The following PDE7B variants were observed in gnomAD, a reference collection of about 807,000 sequenced individuals.
PDE7B encodes the protein phosphodiesterase 7B, also known as 3',5'-cyclic-AMP phosphodiesterase 7B.
In PDE7B, 29 loss-of-function variants were observed where a neutral mutation model predicts 56.2. That is an observed-to-expected ratio of 0.52 (90% CI 0.38 to 0.70). The LOEUF (loss-of-function observed/expected upper bound fraction) is 0.70, where lower values mean the gene tolerates loss of function less well. Among genes scored for constraint, PDE7B ranks in the 30% least tolerant of loss-of-function variants. The pLI is 0.00. For missense variants in PDE7B, 490 were observed against 565.0 expected (o/e 0.87, Z 1.35); for synonymous variants, 197 against 196.9 (o/e 1.00, Z 0.00).
At chr6:136,090,786 C>T (rs1370264069) in intron 2 of PDE7B, among the ~76,000 whole-genome samples, 4 of 152,180 alleles carry the variant, frequency 2.6e-5, no homozygotes, top group Non-Finnish European at 5.9e-5. Context: ...CTCTGTCTCC[C>T]ACTCCTCTGC....
At chr6:136,052,525 A>G (rs1200635256) in intron 2 of PDE7B, among the ~76,000 whole-genome samples, 2 of 152,020 alleles carry the variant, frequency 1.3e-5, no homozygotes, top group Admixed American at 1.3e-4. Flanking sequence ...GGCCCATCCC[A>G]TTGGCTCCCC....
chr6:135,872,872 TAGTG>T (rs1775412256), intron 1 of PDE7B, among the ~76,000 whole-genome samples: 1 of 152,170 alleles, frequency 6.6e-6, no homozygotes, highest in South Asian at 2.1e-4. Flanking sequence ...ATTTATATAG[TAGTG>T]AGTGTGTGTG....
intron 2 of PDE7B, among the ~76,000 whole-genome samples, chr6:136,010,128 T>C (rs1775866186): frequency 6.6e-6 from 1 of 152,212 alleles, no homozygotes; most frequent in Admixed American, 6.5e-5. Flanking sequence ...ATATCTTTGT[T>C]CTCATTTGTT....
At chr6:135,857,786 A>G (rs1256641214) in intron 1 of PDE7B, among the ~76,000 whole-genome samples, 1 of 152,230 alleles carries the variant, frequency 6.6e-6, no homozygotes, top group Non-Finnish European at 1.5e-5. Flanking sequence ...GTACCTCTAC[A>G]TGCAAAAATC....
intron 2 of PDE7B, among the ~76,000 whole-genome samples, chr6:135,972,605 G>A (rs375243333): frequency 1.3e-5 from 2 of 152,084 alleles, no homozygotes; most frequent in Admixed American, 6.6e-5. Flanking sequence ...TGTTCAGATG[G>A]GAAGTATTTT....
intron 2 of PDE7B, among the ~76,000 whole-genome samples, chr6:136,047,887 T>C (rs978131757): frequency 6.6e-6 from 1 of 152,318 alleles, no homozygotes; most frequent in Non-Finnish European, 1.5e-5. Context: ...CTCACTGATA[T>C]CAAGGCAGAA....
At position 136,038,265 on chromosome 6, in the gene PDE7B, C is replaced by A. The variant is rs546148193; in HGVS notation, c.83-70466C>A. The A allele has an allele frequency of 3.5e-5, 46 of 1,299,148 alleles. No homozygotes were observed. The African/African-American group carries it at 6.8e-4, about 19-fold the overall frequency. The allele number at this position is 1,299,148 out of a possible 1,614,324, so 80.5% of individuals were successfully genotyped here. ...AGCAGCAGCACCACCACCACCACTA[C>A]CTCCTCTTCTGGGGCACAAGACAGA... On this transcript the variant is annotated intron_variant, in intron 2 of 12. Coordinates refer to ENST00000308191, the MANE Select transcript of PDE7B (RefSeq NM_018945.4).
At chr6:135,971,292 C>G (rs1056737841) in intron 2 of PDE7B, among the ~76,000 whole-genome samples, 1 of 152,110 alleles carries the variant, frequency 6.6e-6, no homozygotes, top group African/African-American at 2.4e-5. Flanking sequence ...CTGAAGGAAC[C>G]CTCAGAAGGA....
At chr6:135,990,097 TG>T (rs1385689966) in intron 2 of PDE7B, among the ~76,000 whole-genome samples, 8 of 136,624 alleles carry the variant, frequency 5.9e-5, no homozygotes, top group Admixed American at 3.2e-4. Flanking sequence ...GGGGTTTTTT[TG>T]TTTTTTTTTT....
chr6:135,978,824 C>G (rs1169429276), intron 2 of PDE7B, among the ~76,000 whole-genome samples: 3 of 152,034 alleles, frequency 2.0e-5, no homozygotes, highest in Admixed American at 2.0e-4. Context: ...CGTCTGCAAA[C>G]AGGGACAATT....
chr6:135,941,149 TC>T (rs148911452), intron 1 of PDE7B, among the ~76,000 whole-genome samples: 2,600 of 152,306 alleles, frequency 0.017, 82 homozygotes, highest in African/African-American at 0.059. Flanking sequence ...CCTTTGCCAC[TC>T]TTGGGACGGA....
chr6:135,961,281 ATGTGTGTG>A (rs771473679), intron 2 of PDE7B, among the ~76,000 whole-genome samples: 4 of 89,416 alleles, frequency 4.5e-5, no homozygotes, highest in South Asian at 3.5e-4. Flanking sequence ...GTGTGTGTGT[ATGTGTGTG>A]TGTGTGTGTG....
chr6:136,006,670 C>G (rs1311219347), intron 2 of PDE7B, among the ~76,000 whole-genome samples: 1 of 152,066 alleles, frequency 6.6e-6, no homozygotes, highest in Non-Finnish European at 1.5e-5. Context: ...CTCTTTGTGG[C>G]AATTGTGAAT....
chr6:135,997,651 G>T (rs956800206), intron 2 of PDE7B, among the ~76,000 whole-genome samples: 1 of 151,822 alleles, frequency 6.6e-6, no homozygotes. Context: ...GAAAAGAGAT[G>T]AATTTAATTA....
At chr6:135,960,713 G>A (rs1774884740) in intron 2 of PDE7B, among the ~76,000 whole-genome samples, 1 of 152,122 alleles carries the variant, frequency 6.6e-6, no homozygotes, top group Admixed American at 6.6e-5. Context: ...GATGAAAACA[G>A]ATAGTTTCCC....
At chr6:136,143,058 C>T (rs1010730797) in intron 3 of PDE7B, among the ~76,000 whole-genome samples, 1 of 152,262 alleles carries the variant, frequency 6.6e-6, no homozygotes, top group African/African-American at 2.4e-5. Flanking sequence ...ATGATCTTTA[C>T]AATTTGGCAT....
intron 5 of PDE7B, among the ~76,000 whole-genome samples, chr6:136,150,217 A>G (rs1306753277): frequency 6.6e-6 from 1 of 152,220 alleles, no homozygotes; most frequent in African/African-American, 2.4e-5. Flanking sequence ...TATACCACAC[A>G]TATCTAAGAA....
intron 2 of PDE7B, among the ~76,000 whole-genome samples, chr6:135,992,567 AT>A (rs968346056): frequency 6.6e-5 from 10 of 151,836 alleles, no homozygotes; most frequent in Non-Finnish European, 8.8e-5. Flanking sequence ...GATACTTCAA[AT>A]TTTTTTTTCC....
chr6:136,131,219 T>A lies in PDE7B; in HGVS notation c.167-16132T>A, dbSNP rs185413467. Among the ~76,000 whole-genome samples, 538 of 152,280 alleles carry A rather than the reference T, an allele frequency of 3.5e-3. 1 individual carries two copies. Among genetic ancestry groups the A allele is most frequent in the African/African-American group, 0.011 (468 of 41,542 alleles). On this transcript the variant is annotated intron_variant, in intron 3 of 12. Coordinates refer to ENST00000308191, the MANE Select transcript of PDE7B (RefSeq NM_018945.4). ...ACAACTACCAAAAAATATTATATAT[T>A]ATAGCCATTCCTAATTAAAACATTA...
Sources: gnomAD v4.1 joint callset for allele counts (sites outside exome capture counted in the v4.1 genomes callset) on GRCh38, gnomAD v4.1.1 for gene constraint, MANE v1.5 for transcripts, NCBI Gene and HGNC (gene_info 2026-07-23, HGNC 2026-07-21) for gene names.